Variants in RNF216 observed in about 807,000 individuals in gnomAD.
The protein encoded by RNF216 is ring finger protein 216.
Under a neutral mutation model 110.8 loss-of-function variants are expected in RNF216, and 72 were observed. The ratio of observed to expected loss-of-function variants is 0.65; its 90% CI spans 0.54 to 0.79. The LOEUF (loss-of-function observed/expected upper bound fraction) is 0.79. Ranked by LOEUF, RNF216 falls within the 30% of genes least tolerant of loss-of-function variation. The pLI is 0.00. For synonymous variants in RNF216, 495 were observed against 407.5 expected (o/e 1.21, Z -2.59); for missense variants, 1,342 against 1,141.2 (o/e 1.18, Z -2.54).
At chr7:5,627,573 C>G (rs1211528317) in intron 15 of RNF216, among the ~76,000 whole-genome samples, 1 of 152,208 alleles carries the variant, frequency 6.6e-6, no homozygotes, top group East Asian at 1.9e-4. Context: ...CGGTGAAACC[C>G]TGTCTCTACT....
rs1345787850 is a variant in RNF216, at chr7:5,715,103, T to G, written c.1783A>C (p.Lys595Gln). The G allele has an allele frequency of 6.2e-7, 1 of 1,614,016 alleles. No individual in the cohort carries two copies. The highest frequency in any genetic ancestry group is 2.2e-5 in the East Asian group (1 of 44,894). ...TQCADAHLFC[K>Q]ECLIRYAQEA... ...TGGGCATATCTGATGAGACACTCTT[T>G]GCAGAACAAGTGAGCATCTGCGCAC... The change falls in exon 11 of 17, where the codon AAA becomes CAA. Residue 595 changes from lysine (K) to glutamine (Q), a missense_variant. Coordinates refer to ENST00000389902, the MANE Select transcript of RNF216 (RefSeq NM_207111.4).
chr7:5,654,103 C>T lies in RNF216; in HGVS notation c.2062-1593G>A, dbSNP rs145337462. Among the ~76,000 whole-genome samples the T allele has an allele frequency of 9.3e-3, 1,415 of 151,926 alleles. 24 individuals carry two copies. The highest frequency in any genetic ancestry group is 0.033 in the African/African-American group (1,350 of 41,432). On this transcript the variant is annotated intron_variant, in intron 13 of 16. Coordinates refer to ENST00000389902, the MANE Select transcript of RNF216 (RefSeq NM_207111.4). Reference sequence around the variant, plus strand: ...AACACTGGAGGGAGGAAAGAGTGAACGTGCAAAAGACAGAAGCTAGTAAAG... The same window carrying T: ...AACACTGGAGGGAGGAAAGAGTGAATGTGCAAAAGACAGAAGCTAGTAAAG...
Position 5,712,875 on chromosome 7 carries a change from C to A in RNF216, c.1834-12G>T, listed in dbSNP as rs368557518. ...CAGCTGAGCTCCAACTAGAAAAAGGCGAAAAGGCAAAGAAAAAAAAATCAA... is the reference window on the plus strand; with the variant it reads ...CAGCTGAGCTCCAACTAGAAAAAGGAGAAAAGGCAAAGAAAAAAAAATCAA... On this transcript the variant is annotated splice_polypyrimidine_tract_variant and intron_variant, in intron 11 of 16. Coordinates refer to ENST00000389902, the MANE Select transcript of RNF216 (RefSeq NM_207111.4). 2.8e-5 allele frequency: 45 copies of A among 1,580,668 alleles called. No homozygotes were observed. The African/African-American group carries it at 4.5e-4, about 16-fold the overall frequency.
At position 5,680,081 on chromosome 7, in the gene RNF216, T is replaced by G. The variant is rs559538580; in HGVS notation, c.2062-27571A>C. ...CCTGTTTAATGACCATGGATAGACT[T>G]CCTGCTGCAATCAGGAAGAAGTCCA... is the stretch of plus-strand genomic sequence containing the variant. On this transcript the variant is annotated intron_variant, in intron 13 of 16. Coordinates refer to ENST00000389902, the MANE Select transcript of RNF216 (RefSeq NM_207111.4). This position sits in a 1 kb window ranked among gnomAD's most constrained non-coding sequence, Gnocchi z 4.3. Among the ~76,000 whole-genome samples the G allele has an allele frequency of 1.3e-5, 2 of 152,278 alleles. No individual in the cohort carries two copies. Among genetic ancestry groups the G allele is most frequent in the African/African-American group, 4.8e-5 (2 of 41,548 alleles).
At chr7:5,719,704 TTAAA>T (rs1214377741) in intron 9 of RNF216, among the ~76,000 whole-genome samples, 1 of 152,244 alleles carries the variant, frequency 6.6e-6, no homozygotes, top group Non-Finnish European at 1.5e-5. Context: ...TAATTTCTGC[TTAAA>T]ATCTAGAATT....
chr7:5,721,528 T>C (rs552360163), intron 8 of RNF216, among the ~76,000 whole-genome samples: 1 of 152,330 alleles, frequency 6.6e-6, no homozygotes, highest in South Asian at 2.1e-4. Flanking sequence ...TTATAGCCAT[T>C]TGTTGGTGAA....
chr7:5,698,458 T>C (rs908274314), intron 13 of RNF216, among the ~76,000 whole-genome samples: 2 of 151,712 alleles, frequency 1.3e-5, no homozygotes, highest in African/African-American at 4.8e-5. Context: ...GGCATGATCA[T>C]GGTTCACAGC....
chr7:5,632,167 G>C (rs1420902986), intron 15 of RNF216, among the ~76,000 whole-genome samples: 1 of 152,246 alleles, frequency 6.6e-6, no homozygotes, highest in Non-Finnish European at 1.5e-5. Context: ...TGAGATCTGA[G>C]TTCCTGTTCA....
At position 5,733,424 on chromosome 7, in the gene RNF216, T is replaced by C. The variant is rs373091885; in HGVS notation, c.1122-2607A>G. 3.5e-4 allele frequency among the ~76,000 whole-genome samples: 53 copies of C among 152,324 alleles called. 1 individual carries two copies. The South Asian group carries it at 0.011, about 31-fold the overall frequency. On this transcript the variant is annotated intron_variant, in intron 5 of 16. Coordinates refer to ENST00000389902, the MANE Select transcript of RNF216 (RefSeq NM_207111.4). ...AGGTATCAATTTGATTACGTTTTAG[T>C]GATTTTTCTAGACAATCTTGAAGAT...
chr7:5,707,978 C>T (rs779002691), intron 13 of RNF216, among the ~76,000 whole-genome samples: 11 of 152,162 alleles, frequency 7.2e-5, no homozygotes, highest in Non-Finnish European at 1.5e-4. Context: ...CCACTTGCCT[C>T]GGCCTCCCAC....
At chr7:5,776,930 AAGAG>A (rs1039673665) in intron 1 of RNF216, among the ~76,000 whole-genome samples, 2 of 137,300 alleles carry the variant, frequency 1.5e-5, no homozygotes, top group Admixed American at 7.3e-5. Flanking sequence ...GAGAGAGAAA[AAGAG>A]AGAGAGAGAG....
intron 1 of RNF216, among the ~76,000 whole-genome samples, chr7:5,769,840 C>A (rs1162543385): frequency 1.3e-5 from 2 of 150,530 alleles, no homozygotes; most frequent in African/African-American, 4.9e-5. Flanking sequence ...AGTTTGAGAC[C>A]AGCCTGGCCA....
At chr7:5,725,648 G>A (rs1248456277) in intron 7 of RNF216, among the ~76,000 whole-genome samples, 2 of 152,068 alleles carry the variant, frequency 1.3e-5, no homozygotes, top group Non-Finnish European at 2.9e-5. Flanking sequence ...TCAGGAGTTC[G>A]ACACCAGTCT....
At chr7:5,757,412 T>TTG (rs35309611) in intron 2 of RNF216, among the ~76,000 whole-genome samples, 123,838 of 151,308 alleles carry the variant, frequency 0.82, 52,489 homozygotes, top group Non-Finnish European at 0.91. Context: ...TCAGCTCTTT[T>TTG]TGTGTGTGTG....
chr7:5,779,558 G>A (rs1425943768), intron 1 of RNF216, among the ~76,000 whole-genome samples: 1 of 151,544 alleles, frequency 6.6e-6, no homozygotes, highest in Admixed American at 6.6e-5. Context: ...AGAATGTTCT[G>A]GCAGAGCACG....
intron 8 of RNF216, among the ~76,000 whole-genome samples, chr7:5,722,085 A>T (rs1793463288): frequency 6.6e-6 from 1 of 152,048 alleles, no homozygotes; most frequent in African/African-American, 2.4e-5. Context: ...CACCACACCC[A>T]GCTAATTTTT....
chr7:5,765,952 CAA>C (rs138328361), intron 1 of RNF216, among the ~76,000 whole-genome samples: 2 of 102,380 alleles, frequency 2.0e-5, no homozygotes, highest in Admixed American at 1.1e-4. Context: ...GACTCTGTCT[CAA>C]AAAAAAAAAA....
At chr7:5,745,055 T>C (rs890026646) in intron 3 of RNF216, among the ~76,000 whole-genome samples, 1 of 151,952 alleles carries the variant, frequency 6.6e-6, no homozygotes, top group African/African-American at 2.4e-5. Flanking sequence ...ATGTCAAGGA[T>C]ATCATACGTA....
At chr7:5,713,661 C>A (rs1792862050) in intron 11 of RNF216, among the ~76,000 whole-genome samples, 1 of 152,192 alleles carries the variant, frequency 6.6e-6, no homozygotes, top group Admixed American at 6.5e-5. Flanking sequence ...ACACAGCTTT[C>A]AAACAGCTCT....
Sources: allele counts gnomAD v4.1 joint callset (sites outside exome capture counted in the v4.1 genomes callset), GRCh38; gene constraint gnomAD v4.1.1; non-coding constraint Gnocchi (gnomAD v3.1); transcripts MANE v1.5; gene names NCBI Gene and HGNC (gene_info 2026-07-23, HGNC 2026-07-21).